NEIL3: variants seen among roughly 807,000 people sequenced by gnomAD.
NEIL3 encodes nei like DNA glycosylase 3, also known as endonuclease 8-like 3.
Under a neutral mutation model 57.5 loss-of-function variants are expected in NEIL3, and 48 were observed. The observed-to-expected ratio is 0.83, with a 90% CI of 0.66 to 1.06. The LOEUF (loss-of-function observed/expected upper bound fraction) is 1.06, where lower values mean the gene tolerates loss of function less well. Among genes scored for constraint, NEIL3 ranks in the 50% least tolerant of loss-of-function variants. The pLI is 0.00. For synonymous variants in NEIL3, 261 were observed against 253.2 expected, an observed-to-expected ratio of 1.03 and a Z score of -0.29; for missense variants, 717 against 739.1, an observed-to-expected ratio of 0.97 and a Z score of 0.35.
At chr4:177,358,127 A>G (rs75035641) in intron 8 of NEIL3, among the ~76,000 whole-genome samples, 1 of 152,292 alleles carries the variant, frequency 6.6e-6, no homozygotes, top group African/African-American at 2.4e-5. Context: ...CTTAATGTGC[A>G]TATGAATCAC....
At position 177,330,896 on chromosome 4, in the gene NEIL3, T is replaced by G. The variant is rs74691422; in HGVS notation, c.279-4792T>G. ...AACTAATAACATTTCCAGTGCTCAC[T>G]TGCCACATGTGGGTAGTGGCTGCCA... On this transcript the variant is annotated intron_variant, in intron 2 of 9. Coordinates refer to ENST00000264596, the MANE Select transcript of NEIL3 (RefSeq NM_018248.3). Among the ~76,000 whole-genome samples the G allele has an allele frequency of 2.3e-3, 353 of 152,332 alleles. 8 individuals are homozygous for G. The South Asian group carries it at 0.046, about 20-fold the overall frequency.
intron 6 of NEIL3, among the ~76,000 whole-genome samples, chr4:177,345,098 T>C (rs35041676): frequency 2.7e-4 from 41 of 152,110 alleles, no homozygotes; most frequent in African/African-American, 9.7e-4. Context: ...AAATGGTAAA[T>C]AGATAAAGCA....
In NEIL3 at chr4:177,360,641, T is replaced by C. The variant is rs1201712501; in HGVS notation, c.1599T>C (p.Cys533=). 1 of 1,613,406 alleles carries C rather than the reference T, an allele frequency of 6.2e-7. No individual in the cohort carries two copies. The highest frequency in any genetic ancestry group is 8.5e-7 in the Non-Finnish European group (1 of 1,179,484). The change falls in exon 9 of 10, where the codon TGT becomes TGC. Residue 533 remains cysteine (C), a synonymous_variant. Coordinates refer to ENST00000264596, the MANE Select transcript of NEIL3 (RefSeq NM_018248.3). ...ACAAGGGCAGGCAGTTTTATGCCTG[T>C]CCTCTACCTAGAGAAGCACAATGTG... ...GENKGRQFYA[C]PLPREAQCGF... is the part of the protein sequence containing the mutation.
At chr4:177,340,089 G>A (rs1235567136) in intron 5 of NEIL3, among the ~76,000 whole-genome samples, 1 of 152,192 alleles carries the variant, frequency 6.6e-6, no homozygotes, top group Non-Finnish European at 1.5e-5. Flanking sequence ...ACCAAGTTAG[G>A]AGCAGCCATG....
rs1162061195 is a variant in NEIL3 at position 177,353,317 on chromosome 4, T to G, written c.1049T>G (p.Leu350Arg). The G allele has an allele frequency of 6.2e-7, 1 of 1,612,178 alleles. No individual in the cohort carries two copies. Among genetic ancestry groups the G allele is most frequent in the South Asian group, 1.1e-5 (1 of 90,586 alleles). Residue 350 changes from leucine to arginine, a missense_variant, in exon 8 of 10, where the codon CTC (leucine) becomes CGC (arginine). Transcript: ENST00000264596. ...TTCTCTCTCCTTCCAGATTCAGTGC[T>G]CAAGAGTGAAGAAAATTCTACTGTC... is the stretch of plus-strand genomic sequence containing the variant. ...CLTSRPIDSV[L>R]KSEENSTVFS... is the part of the protein sequence containing the mutation.
At chr4:177,367,475 G>A (rs369978928), downstream of NEIL3, among the ~76,000 whole-genome samples, 4 of 152,150 alleles carry the variant, frequency 2.6e-5, no homozygotes, top group East Asian at 1.9e-4. Context: ...GTTGCCTGCT[G>A]TTTCTGGAGT....
chr4:177,327,831 T>C (rs1469081145), intron 2 of NEIL3, among the ~76,000 whole-genome samples: 1 of 152,252 alleles, frequency 6.6e-6, no homozygotes, highest in Non-Finnish European at 1.5e-5. Flanking sequence ...CATTTGTTTA[T>C]GTGTGGAATT....
intron 4 of NEIL3, among the ~76,000 whole-genome samples, chr4:177,337,767 C>T (rs1578996539): frequency 2.6e-5 from 4 of 151,998 alleles, no homozygotes; most frequent in South Asian, 2.1e-4. Context: ...GGGAGGCTGA[C>T]GCGGGCAGAT....
At position 177,341,572 on chromosome 4, in the gene NEIL3, G is replaced by C. The variant is rs1462510111; in HGVS notation, c.799G>C (p.Gly267Arg). The C allele has an allele frequency of 1.1e-5, 17 of 1,613,374 alleles. No homozygotes were observed. Among genetic ancestry groups the C allele is most frequent in the Non-Finnish European group, 1.4e-5 (17 of 1,179,850 alleles). ...CHCRITVCRF[G>R]DNNRMTYFCP... Reference sequence around the variant, plus strand: ...CTGCAGAATAACTGTGTGCCGCTTTGGGGACAATAACAGAATGACATATTT... The same window carrying C: ...CTGCAGAATAACTGTGTGCCGCTTTCGGGACAATAACAGAATGACATATTT... Residue 267 changes from glycine to arginine, a missense_variant, in exon 6 of 10, where the codon GGG becomes CGG. Coordinates refer to ENST00000264596, the MANE Select transcript of NEIL3 (RefSeq NM_018248.3).
intron 5 of NEIL3, among the ~76,000 whole-genome samples, chr4:177,341,224 T>A (rs187892010): frequency 9.3e-4 from 142 of 152,322 alleles, no homozygotes; most frequent in African/African-American, 3.3e-3. Context: ...GATAAAGCTA[T>A]GCAAAGAGCA....
intron 1 of NEIL3, among the ~76,000 whole-genome samples, chr4:177,312,638 A>G (rs183767233): frequency 6.6e-6 from 1 of 152,304 alleles, no homozygotes; most frequent in East Asian, 1.9e-4. Context: ...AGCAATATTC[A>G]ATAAGTTATA....
intron 2 of NEIL3, among the ~76,000 whole-genome samples, chr4:177,332,928 G>A (rs995130870): frequency 6.6e-6 from 1 of 152,108 alleles, no homozygotes; most frequent in Non-Finnish European, 1.5e-5. Flanking sequence ...TTAAGAAAAT[G>A]TATGATTTTG....
chr4:177,365,900 T>C (rs561863879), downstream of NEIL3, among the ~76,000 whole-genome samples: 2 of 152,134 alleles, frequency 1.3e-5, no homozygotes, highest in Non-Finnish European at 2.9e-5. Flanking sequence ...ACCTATACTA[T>C]TCAGGATACA....
intron 8 of NEIL3, 114 bp downstream of exon 8, chr4:177,353,842 T>G: frequency 1.1e-6 from 1 of 875,376 alleles, no homozygotes; most frequent in Non-Finnish European, 1.8e-6. Context: ...CTCAGCTCAC[T>G]GCAACCTCTG....
intron 1 of NEIL3, among the ~76,000 whole-genome samples, chr4:177,314,859 C>T (rs915498243): frequency 2.0e-5 from 3 of 151,936 alleles, no homozygotes; most frequent in Non-Finnish European, 4.4e-5. Flanking sequence ...GGGCAGATCA[C>T]GAGGTCAGGA....
chr4:177,337,896 G>A (rs1241645112), intron 4 of NEIL3, among the ~76,000 whole-genome samples: 2 of 152,160 alleles, frequency 1.3e-5, no homozygotes, highest in African/African-American at 2.4e-5. Flanking sequence ...GCACATGCCT[G>A]TAGTCCCAGC....
At chr4:177,320,666 A>G (rs893564362) in intron 1 of NEIL3, among the ~76,000 whole-genome samples, 2 of 150,470 alleles carry the variant, frequency 1.3e-5, no homozygotes, top group African/African-American at 2.4e-5. Flanking sequence ...TTTTTAGTAG[A>G]GACAGGGTTT....
downstream of NEIL3, among the ~76,000 whole-genome samples, chr4:177,365,792 T>C (rs1448358176): frequency 1.3e-5 from 2 of 152,212 alleles, no homozygotes; most frequent in Non-Finnish European, 2.9e-5. Context: ...TGGTTCTGTC[T>C]TAGATTATTT....
chr4:177,320,456 T>G, intron 1 of NEIL3, among the ~76,000 whole-genome samples: 1 of 132,194 alleles, frequency 7.6e-6, no homozygotes, highest in Non-Finnish European at 1.6e-5. Context: ...GAACAGGAAG[T>G]GACTGCTGTC....
Sources: gnomAD v4.1 joint callset for allele counts (sites outside exome capture counted in the v4.1 genomes callset) on GRCh38, gnomAD v4.1.1 for gene constraint, MANE v1.5 for transcripts, NCBI Gene and HGNC (gene_info 2026-07-23, HGNC 2026-07-21) for gene names.